LHX6: variants seen among roughly 807,000 people sequenced by gnomAD.
LHX6 encodes the protein LIM/homeobox protein Lhx6.
Under a neutral mutation model 47.1 loss-of-function variants are expected in LHX6, and 15 were observed. The observed-to-expected ratio is 0.32, with a 90% CI of 0.21 to 0.49. The LOEUF is 0.49. Ranked by LOEUF, LHX6 falls within the 20% of genes least tolerant of loss-of-function variation. The pLI is 0.99. For missense variants in LHX6, 404 were observed against 539.6 expected (o/e 0.75, Z 2.49); for synonymous variants, 242 against 233.5 (o/e 1.04, Z -0.33).
At position 122,203,371 on chromosome 9, in the gene LHX6, T is replaced by C. The variant is rs1288404353; in HGVS notation, c.*1389A>G. 1 of 152,534 alleles carries C rather than the reference T, an allele frequency of 6.6e-6. No homozygotes were observed. Among genetic ancestry groups the C allele is most frequent in the Non-Finnish European group, 1.5e-5 (1 of 68,040 alleles). The allele number at this position is 152,534 out of a possible 1,614,324, so 9.4% of individuals were successfully genotyped here. On this transcript the variant is annotated 3_prime_UTR_variant, in exon 10 of 10. Transcript: ENST00000394319. ...ATGTACCATGAACTTGCTTTCCCTG[T>C]CTTAGAGTCTCCTTCCAAAAGCAAC...
In LHX6 at chr9:122,209,847, G is replaced by A. The variant is rs537285456; in HGVS notation, c.1055-130C>T. On this transcript the variant is annotated intron_variant, in intron 8 of 9. Coordinates refer to ENST00000394319, the MANE Select transcript of LHX6 (RefSeq NM_014368.5). The stretch of plus-strand genomic sequence containing the variant: ...TGCCACTTACCTCCTGGGTAGCCCT[G>A]GGCAAGGTTTCAGTAGGGTTGGTTG... 4 of 592,520 alleles carry A rather than the reference G, an allele frequency of 6.8e-6. No homozygotes were observed. In the South Asian group the frequency reaches 8.0e-5, roughly 12 times the overall value. The allele number at this position is 592,520 out of a possible 1,614,324, so 36.7% of individuals were successfully genotyped here.
At chr9:122,206,927 C>T (rs1369474625) in intron 9 of LHX6, among the ~76,000 whole-genome samples, 2 of 152,190 alleles carry the variant, frequency 1.3e-5, no homozygotes, top group Non-Finnish European at 2.9e-5. Flanking sequence ...GAACACCCTT[C>T]TTCTTGTCCC....
At chr9:122,227,515 G>T (rs1027638684) in intron 1 of LHX6, 35 bp from the exon 2 acceptor site, 8 of 1,523,944 alleles carry the variant, frequency 5.2e-6, no homozygotes, top group Non-Finnish European at 7.0e-6. Flanking sequence ...AGGCGGCGGC[G>T]GCTGCTGAAC....
Position 122,226,262 on chromosome 9 carries a change from G to T in LHX6, c.461+114C>A. 1 of 1,362,020 alleles carries T rather than the reference G, an allele frequency of 7.3e-7. No individual in the cohort carries two copies. Among genetic ancestry groups the T allele is most frequent in the Non-Finnish European group, 9.9e-7 (1 of 1,013,872 alleles). 84.4% of individuals were successfully genotyped at this position (1,362,020 alleles called of 1,614,324 possible). ...GTTGGACCAGCGCTGCGCGCCGGAA[G>T]TGCACTCGGGACGCCGGGGTTCTGG... On this transcript the variant is annotated intron_variant, in intron 4 of 9. Coordinates refer to ENST00000394319, the MANE Select transcript of LHX6 (RefSeq NM_014368.5). The surrounding 1 kb of genome is among the most constrained non-coding windows in gnomAD (Gnocchi z 6.5).
At chr9:122,225,926 G>C (rs968412555) in intron 4 of LHX6, among the ~76,000 whole-genome samples, 2 of 152,230 alleles carry the variant, frequency 1.3e-5, no homozygotes, top group Non-Finnish European at 2.9e-5. Context: ...TCAGCGTCCA[G>C]CCCGCGAGAG....
At chr9:122,228,061 G>C in intron 1 of LHX6, 1 of 569,124 alleles carries the variant, frequency 1.8e-6, no homozygotes, top group East Asian at 3.1e-5. Context: ...TGGGTGAGGG[G>C]CGGAGGGTGG....
chr9:122,228,870 G>T lies in LHX6; in HGVS notation c.-130C>A, dbSNP rs1162504298. 7.9e-6 allele frequency: 4 copies of T among 504,364 alleles called. 1 individual carries two copies. The highest frequency in any genetic ancestry group is 1.1e-5 in the Non-Finnish European group (4 of 354,076). 31.2% of individuals were successfully genotyped at this position (504,364 alleles called of 1,614,324 possible). On this transcript the variant is annotated 5_prime_UTR_variant, in exon 1 of 10. Coordinates refer to ENST00000394319, the MANE Select transcript of LHX6 (RefSeq NM_014368.5). ...GCCGAGGCGCCGGCCCCGCCGCCCC[G>T]GGCCCGGCCTCAGCCCCCGCCCCCG...
At chr9:122,221,714 G>A in intron 4 of LHX6, 1 of 985,496 alleles carries the variant, frequency 1.0e-6, no homozygotes, top group Non-Finnish European at 1.2e-6. Context: ...CCTAAGTGTT[G>A]CAAGATCACC....
Position 122,224,113 on chromosome 9 carries a change from C to T in LHX6, c.461+2263G>A, listed in dbSNP as rs144017316. On this transcript the variant is annotated intron_variant, in intron 4 of 9. Coordinates refer to ENST00000394319, the MANE Select transcript of LHX6 (RefSeq NM_014368.5). ...CGTGATCTTGGCTCACCACAATGTC[C>T]GCCTCCCAGGTTCAAGTGATTCTCT... 1.1e-4 allele frequency among the ~76,000 whole-genome samples: 16 copies of T among 152,190 alleles called. 1 individual carries two copies. In the East Asian group the frequency reaches 2.1e-3, roughly 20 times the overall value.
rs575038208 is a variant in LHX6 at position 122,206,996 on chromosome 9, C to T, written c.1159-2216G>A. Among the ~76,000 whole-genome samples, 13 of 152,296 alleles carry T rather than the reference C, an allele frequency of 8.5e-5. No homozygotes were observed. The East Asian group carries it at 1.5e-3, about 18-fold the overall frequency. On this transcript the variant is annotated intron_variant, in intron 9 of 9. Coordinates refer to ENST00000394319, the MANE Select transcript of LHX6 (RefSeq NM_014368.5). ...CTGGGTCCTCTAAGGTCAAGTTTCT[C>T]GCCTACTCCAGCTGCCCATTCCCCT... is the stretch of plus-strand genomic sequence containing the variant.
Position 122,227,029 on chromosome 9 carries a change from G to T in LHX6, c.158C>A (p.Ala53Asp). ...TGCCAGGGCCTCGGCGTCAGACTGA[G>T]CCTGCGGCGGGGGAGAGAAGGAGAG... is the stretch of plus-strand genomic sequence containing the variant. ...CLEGTAPPAM[A>D]QSDAEALAGA... Residue 53 changes from alanine to aspartate, a missense_variant and splice_region_variant, in exon 3 of 10, where the codon GCT becomes GAT. By Grantham distance (126) the Ala-to-Asp change is moderately radical. This residue lies in a region of LHX6 where 144 missense variants were observed against 128.7 expected (regional missense o/e 1.12). Transcript: ENST00000394319. 6.7e-7 allele frequency: 1 copy of T among 1,483,066 alleles called. No homozygotes were observed. The highest frequency in any genetic ancestry group is 9.0e-7 in the Non-Finnish European group (1 of 1,114,382). 91.9% of individuals were successfully genotyped at this position (1,483,066 alleles called of 1,614,324 possible).
chr9:122,223,968 A>G (rs1389691436), intron 4 of LHX6, among the ~76,000 whole-genome samples: 2 of 152,140 alleles, frequency 1.3e-5, no homozygotes, highest in African/African-American at 4.8e-5. Context: ...GGCACCTTAA[A>G]TTTAGTAGCT....
chr9:122,209,954 C>G (rs888117645), intron 8 of LHX6, among the ~76,000 whole-genome samples: 1 of 152,066 alleles, frequency 6.6e-6, no homozygotes, highest in Non-Finnish European at 1.5e-5. Flanking sequence ...TGGCTCACTG[C>G]AAGCTCTGCC....
At chr9:122,216,216 C>T (rs547737988) in intron 5 of LHX6, among the ~76,000 whole-genome samples, 1 of 152,316 alleles carries the variant, frequency 6.6e-6, no homozygotes, top group Non-Finnish European at 1.5e-5. Context: ...AAAATAATCC[C>T]TGTTACAGAG....
rs1457119534 is a variant in LHX6, at chr9:122,228,888, C to A, written c.-148G>T. 4 of 361,934 alleles carry A rather than the reference C, an allele frequency of 1.1e-5. No homozygotes were observed. The highest frequency in any genetic ancestry group is 7.0e-5 in the East Asian group (1 of 14,206). 22.4% of individuals were successfully genotyped at this position (361,934 alleles called of 1,614,324 possible). ...CCGCCCCGGGCCCGGCCTCAGCCCC[C>A]GCCCCCGGCCCGCGCGCAGCCCCGG... On this transcript the variant is annotated 5_prime_UTR_variant, in exon 1 of 10. Transcript: ENST00000394319.
In LHX6 at chr9:122,204,691, A is replaced by G. The variant is rs1830103934; in HGVS notation, c.*69T>C. The G allele has an allele frequency of 1.3e-6, 2 of 1,583,182 alleles. No homozygotes were observed. The highest frequency in any genetic ancestry group is 2.3e-5 in the East Asian group (1 of 42,960). ...GGGTGGACTCCTGGCCGCAGCTTGG[A>G]CACTGGATCTCAGCGGCTGAGGGGC... On this transcript the variant is annotated 3_prime_UTR_variant, in exon 10 of 10. Transcript: ENST00000394319.
chr9:122,216,935 C>T, intron 5 of LHX6, 133 bp downstream of exon 5: 1 of 725,708 alleles, frequency 1.4e-6, no homozygotes, highest in East Asian at 2.7e-5. Flanking sequence ...GCCGCCCCAC[C>T]CCTACGCTGC....
chr9:122,227,302 A>G (rs1831145600), intron 2 of LHX6, 107 bp downstream of exon 2: 10 of 1,152,700 alleles, frequency 8.7e-6, no homozygotes, highest in Non-Finnish European at 1.0e-5. Context: ...GCCCGCCGGG[A>G]GTCCCCCAGA....
chr9:122,209,393 G>T (rs577597689), intron 9 of LHX6, among the ~76,000 whole-genome samples: 1 of 152,358 alleles, frequency 6.6e-6, no homozygotes, highest in African/African-American at 2.4e-5. Flanking sequence ...CTGCCAGTGG[G>T]GAGCTGCAAG....
Sources: allele counts gnomAD v4.1 joint callset (sites outside exome capture counted in the v4.1 genomes callset), GRCh38; gene constraint gnomAD v4.1.1; regional missense constraint gnomAD v4.1.1; non-coding constraint Gnocchi (gnomAD v3.1); transcripts MANE v1.5; gene names NCBI Gene and HGNC (gene_info 2026-07-23, HGNC 2026-07-21).